TCF7L2: variants seen among roughly 807,000 people sequenced by gnomAD.
TCF7L2 encodes transcription factor 7-like 2.
Under a neutral mutation model 77.9 loss-of-function variants are expected in TCF7L2, and 23 were observed. The observed-to-expected ratio is 0.30, with a 90% CI of 0.21 to 0.42. TCF7L2 has a LOEUF of 0.42. TCF7L2 is among the 10% of genes least tolerant of loss of function. TCF7L2 has a pLI of 1.00. For missense variants in TCF7L2, 654 were observed against 793.1 expected (o/e 0.82, Z 2.11); for synonymous variants, 413 against 340.2 (o/e 1.21, Z -2.36).
At chr10:112,992,305 A>G (rs2042700856) in intron 4 of TCF7L2, among the ~76,000 whole-genome samples, 1 of 152,178 alleles carries the variant, frequency 6.6e-6, no homozygotes, top group Non-Finnish European at 1.5e-5. Context: ...GTGCGTCGGT[A>G]GCATAGATTC....
rs61608659 is a variant in TCF7L2, at chr10:113,082,597, TTG to T, written c.552+42492_552+42493del. ...TCAGTAAAAGAAATCTTCATTCTGC[TTG>T]TGTGTGTGTGTGTGTGTGTGCACGT... is the stretch of plus-strand genomic sequence containing the variant. On this transcript the variant is annotated intron_variant, in intron 5 of 13. Transcript: ENST00000627217. Among the ~76,000 whole-genome samples the T allele has an allele frequency of 3.1e-3, 465 of 149,544 alleles. 1 individual carries two copies. The highest frequency in any genetic ancestry group is 5.5e-3 in the African/African-American group (224 of 41,050).
chr10:113,048,747 C>G (rs939263652), intron 5 of TCF7L2, among the ~76,000 whole-genome samples: 1 of 152,220 alleles, frequency 6.6e-6, no homozygotes, highest in Admixed American at 6.5e-5. Context: ...GGGCTCCTAT[C>G]TCTCCTCAAT....
intron 3 of TCF7L2, among the ~76,000 whole-genome samples, chr10:112,957,654 G>C (rs1309928278): frequency 1.3e-5 from 2 of 152,010 alleles, no homozygotes; most frequent in Non-Finnish European, 2.9e-5. Flanking sequence ...CCCTGGGCTG[G>C]GCTATTAAAA....
At chr10:113,083,259 GACACACACAC>G (rs10649541) in intron 5 of TCF7L2, among the ~76,000 whole-genome samples, 42 of 143,462 alleles carry the variant, frequency 2.9e-4, no homozygotes, top group African/African-American at 7.9e-4. Context: ...TATACTGATA[GACACACACAC>G]ACACACACAC....
chr10:113,060,257 C>T (rs977102651), intron 5 of TCF7L2, among the ~76,000 whole-genome samples: 1 of 152,198 alleles, frequency 6.6e-6, no homozygotes, highest in Admixed American at 6.5e-5. Context: ...AGAGGAGATC[C>T]AGAATTCTGT....
intron 5 of TCF7L2, among the ~76,000 whole-genome samples, chr10:113,093,199 C>A (rs2060583789): frequency 6.6e-6 from 1 of 152,200 alleles, no homozygotes; most frequent in Non-Finnish European, 1.5e-5. Context: ...CCTATATTAA[C>A]TTTTCCAAAC....
intron 4 of TCF7L2, 70 bp downstream of exon 4, chr10:112,964,694 C>A: frequency 1.5e-6 from 2 of 1,316,600 alleles, no homozygotes; most frequent in Non-Finnish European, 2.2e-6. Flanking sequence ...TTATTCTCCG[C>A]CCCTTCCCCC....
rs1005207237 is a variant in TCF7L2, at chr10:113,072,096, G to A, written c.552+31970G>A. 7.3e-5 allele frequency among the ~76,000 whole-genome samples: 11 copies of A among 151,420 alleles called. No homozygotes were observed. In the East Asian group the frequency reaches 7.8e-4, roughly 11 times the overall value. On this transcript the variant is annotated intron_variant, in intron 5 of 13. Transcript: ENST00000627217. ...TTTTGAGACGGAGTCTTGCTCTGTCGCCCAGGCTGGAGTGCAGTGGCACGA... is the reference window on the plus strand; with the variant it reads ...TTTTGAGACGGAGTCTTGCTCTGTCACCCAGGCTGGAGTGCAGTGGCACGA...
intron 4 of TCF7L2, among the ~76,000 whole-genome samples, chr10:112,973,100 C>T (rs2038639626): frequency 6.6e-6 from 1 of 152,176 alleles, no homozygotes; most frequent in Admixed American, 6.5e-5. Flanking sequence ...GGGTTCTACT[C>T]CTTGGAGATT....
rs1402468738 is a variant in TCF7L2 at position 113,040,072 on chromosome 10, C to G, written c.498C>G (p.Leu166=). ...TGCTTGATGTCCAGGCAGGGAGCCT[C>G]CAGAGTAGACAAGCCCTCAAGGATG... The change falls in exon 5 of 14, where the codon CTC becomes CTG. Residue 166 remains leucine (L), a synonymous_variant. Transcript: ENST00000627217. 1.2e-6 allele frequency: 2 copies of G among 1,613,992 alleles called. No homozygotes were observed. Among genetic ancestry groups the G allele is most frequent in the East Asian group, 2.2e-5 (1 of 44,864 alleles).
intron 4 of TCF7L2, among the ~76,000 whole-genome samples, chr10:113,013,658 G>A (rs144241847): frequency 8.9e-4 from 135 of 152,274 alleles, no homozygotes; most frequent in African/African-American, 2.7e-3. Flanking sequence ...GGTCTGGCTC[G>A]TGGGCATGTC....
chr10:112,966,190 A>ATC (rs1564721973), intron 4 of TCF7L2, among the ~76,000 whole-genome samples: 1 of 128,524 alleles, frequency 7.8e-6, no homozygotes, highest in Non-Finnish European at 1.6e-5. Context: ...ATATTTATAT[A>ATC]TATATATATA....
At chr10:113,130,245 TTACACTTCTATGGTAAGGCAGACCC>T (rs2066373385) in intron 5 of TCF7L2, among the ~76,000 whole-genome samples, 1 of 152,154 alleles carries the variant, frequency 6.6e-6, no homozygotes, top group African/African-American at 2.4e-5. Flanking sequence ...ATCACAGTCC[TTACACTTCTATGGTAAGGCAGACCC>T]TGTTCCCAAA....
intron 5 of TCF7L2, among the ~76,000 whole-genome samples, chr10:113,101,475 C>T (rs1038915723): frequency 3.3e-5 from 5 of 150,980 alleles, no homozygotes; most frequent in African/African-American, 1.2e-4. Flanking sequence ...TCTAGGAGTT[C>T]GAGGCTGCAG....
intron 12 of TCF7L2, 83 bp downstream of exon 12, chr10:113,158,152 A>G: frequency 6.8e-7 from 1 of 1,469,404 alleles, no homozygotes; most frequent in Non-Finnish European, 9.3e-7. Context: ...TGGGGGAGGC[A>G]GGAGAAATTC....
chr10:113,126,741 CGGCGGCGGCGCGGGCTGCAG>C (rs1250506346), intron 5 of TCF7L2: 1 of 985,640 alleles, frequency 1.0e-6, no homozygotes, highest in Non-Finnish European at 1.2e-6. Context: ...CGCGGGTGCG[CGGCGGCGGCGCGGGCTGCAG>C]GGCGGGTGCT....
At position 112,952,978 on chromosome 10, in the gene TCF7L2, C is replaced by A. The variant is rs555199105; in HGVS notation, c.381+1371C>A. Among the ~76,000 whole-genome samples the A allele has an allele frequency of 2.2e-4, 34 of 152,204 alleles. 1 individual carries two copies. In the South Asian group the frequency reaches 7.1e-3, roughly 32 times the overall value. On this transcript the variant is annotated intron_variant, in intron 3 of 13. Transcript: ENST00000627217. ...CATTTTACACCTTCTCCAGTTTGGT[C>A]CCCTACCCCTTATTTACACACACGA...
At chr10:113,139,933 C>A (rs1199461858) in intron 5 of TCF7L2, among the ~76,000 whole-genome samples, 2 of 152,028 alleles carry the variant, frequency 1.3e-5, no homozygotes, top group Non-Finnish European at 2.9e-5. Context: ...TCTTTTAATG[C>A]AATTCCTTTT....
intron 5 of TCF7L2, among the ~76,000 whole-genome samples, chr10:113,093,380 A>G (rs1423511264): frequency 6.6e-6 from 1 of 152,198 alleles, no homozygotes; most frequent in African/African-American, 2.4e-5. Context: ...GTTCTTGGCC[A>G]TGGTTCAGAG....
Sources: gnomAD v4.1 joint callset for allele counts (sites outside exome capture counted in the v4.1 genomes callset) on GRCh38, gnomAD v4.1.1 for gene constraint, MANE v1.5 for transcripts, NCBI Gene and HGNC (gene_info 2026-07-23, HGNC 2026-07-21) for gene names.